Variants in REEP1 observed in about 807,000 individuals in gnomAD.
The protein encoded by REEP1 is receptor accessory protein 1.
In REEP1, 22 loss-of-function variants were observed where a neutral mutation model predicts 40.3. That is an observed-to-expected ratio of 0.55 (90% CI 0.39 to 0.78). The LOEUF (loss-of-function observed/expected upper bound fraction) is 0.78. Ranked by LOEUF, REEP1 falls within the 30% of genes least tolerant of loss-of-function variation. The pLI is 0.00. For synonymous variants in REEP1, 116 were observed against 139.2 expected, an observed-to-expected ratio of 0.83 and a Z score of 1.17; for missense variants, 280 against 361.1, an observed-to-expected ratio of 0.78 and a Z score of 1.82.
intron 1 of REEP1, among the ~76,000 whole-genome samples, chr2:86,283,009 C>A (rs1240333792): frequency 6.6e-6 from 1 of 152,126 alleles, no homozygotes; most frequent in East Asian, 1.9e-4. Flanking sequence ...GTCTTCCTTC[C>A]CCCTTCTTTA....
intron 4 of REEP1, 88 bp from the exon 5 acceptor site, chr2:86,252,158 C>T: frequency 7.1e-6 from 7 of 983,070 alleles, no homozygotes; most frequent in Non-Finnish European, 1.1e-5. Flanking sequence ...TTGGGCTTGG[C>T]AGCTTGCCCA....
intron 2 of REEP1, among the ~76,000 whole-genome samples, chr2:86,275,003 G>C (rs1201206840): frequency 1.3e-5 from 2 of 152,214 alleles, no homozygotes; most frequent in Admixed American, 6.5e-5. Context: ...CAGAGGAGCA[G>C]GCTTAGCTAC....
intron 4 of REEP1, among the ~76,000 whole-genome samples, chr2:86,253,494 C>A (rs976351319): frequency 6.6e-6 from 1 of 152,132 alleles, no homozygotes; most frequent in Admixed American, 6.5e-5. Context: ...ACCTGCCTGT[C>A]CCCCACCACC....
In REEP1 at chr2:86,247,719, T is replaced by G. The variant is rs182194345; in HGVS notation, c.417+4238A>C. On this transcript the variant is annotated intron_variant, in intron 5 of 8. Coordinates refer to ENST00000538924, the MANE Select transcript of REEP1 (RefSeq NM_001371279.1). ...CCGAGTAGCTGGGATTACAGGTGCA[T>G]GCCACCACACCAGGCTAATTTTTGT... 2.3e-3 allele frequency among the ~76,000 whole-genome samples: 353 copies of G among 152,024 alleles called. 3 individuals are homozygous for G. Among genetic ancestry groups the G allele is most frequent in the African/African-American group, 8.2e-3 (340 of 41,498 alleles).
intron 6 of REEP1, among the ~76,000 whole-genome samples, chr2:86,229,057 CCCA>C (rs1674873392): frequency 6.6e-6 from 1 of 152,204 alleles, no homozygotes; most frequent in Non-Finnish European, 1.5e-5. Context: ...AGGTGCAGCT[CCCA>C]CCTCTCTCCA....
At chr2:86,281,482 G>C (rs1192251929) in intron 2 of REEP1, among the ~76,000 whole-genome samples, 1 of 152,136 alleles carries the variant, frequency 6.6e-6, no homozygotes, top group African/African-American at 2.4e-5. Context: ...ACAAAAATTA[G>C]CTGGGCGTGG....
intron 5 of REEP1, among the ~76,000 whole-genome samples, chr2:86,236,273 A>G (rs1675320030): frequency 6.6e-6 from 1 of 151,410 alleles, no homozygotes; most frequent in African/African-American, 2.4e-5. Flanking sequence ...AGCCCTTCTC[A>G]GTCTCTACAC....
intron 5 of REEP1, among the ~76,000 whole-genome samples, chr2:86,246,858 C>T (rs1431367754): frequency 1.3e-5 from 2 of 151,956 alleles, no homozygotes; most frequent in East Asian, 3.9e-4. Flanking sequence ...TGCACCACCA[C>T]GCCCGGCTAA....
chr2:86,311,624 T>C (rs957426798), intron 1 of REEP1, among the ~76,000 whole-genome samples: 11 of 152,122 alleles, frequency 7.2e-5, no homozygotes, highest in Non-Finnish European at 1.6e-4. Flanking sequence ...GTGTCCAGAT[T>C]TTCTTTTTAT....
chr2:86,266,651 A>G (rs148924544), intron 2 of REEP1, among the ~76,000 whole-genome samples: 2 of 148,842 alleles, frequency 1.3e-5, no homozygotes, highest in South Asian at 2.1e-4. Context: ...AAATAAAAAT[A>G]AAAAAAATAA....
chr2:86,227,440 C>T (rs1674768057), intron 6 of REEP1, 42 bp from the exon 7 acceptor site: 2 of 1,231,500 alleles, frequency 1.6e-6, no homozygotes, highest in Non-Finnish European at 1.0e-6. Flanking sequence ...ACATCCCCCA[C>T]TGGACAGGAA....
chr2:86,230,854 T>A (rs946519085), intron 6 of REEP1, among the ~76,000 whole-genome samples: 31 of 152,182 alleles, frequency 2.0e-4, no homozygotes. Flanking sequence ...ACCCCACTGG[T>A]TCTTGCTCTC....
chr2:86,251,883 G>T, intron 5 of REEP1, 74 bp downstream of exon 5: 1 of 998,408 alleles, frequency 1.0e-6, no homozygotes, highest in Non-Finnish European at 1.6e-6. Context: ...TGTTCTGTGT[G>T]GTCGCACAGG....
At position 86,337,609 on chromosome 2, in the gene REEP1, G is replaced by C. The variant is rs1484125168; in HGVS notation, c.-99C>G. ...GTTCCCGGAACGTCAGTCAGCTCAC[G>C]GCAGCCGCCGCCAGACTGAGCGCGC... is the stretch of plus-strand genomic sequence containing the variant. On this transcript the variant is annotated 5_prime_UTR_variant, in exon 1 of 9. Coordinates refer to ENST00000538924, the MANE Select transcript of REEP1 (RefSeq NM_001371279.1). The surrounding 1 kb of genome is among the most constrained non-coding windows in gnomAD (Gnocchi z 5.8). 9.3e-5 allele frequency: 105 copies of C among 1,133,584 alleles called. No individual in the cohort carries two copies. The highest frequency in any genetic ancestry group is 1.0e-4 in the Non-Finnish European group (97 of 925,614). 70.2% of individuals were successfully genotyped at this position (1,133,584 alleles called of 1,614,324 possible). A position where few individuals can be genotyped will look rare whatever the true frequency, so the allele number is the denominator to read the frequency against.
chr2:86,264,116 C>G (rs948927586), intron 2 of REEP1, 75 bp from the exon 3 acceptor site: 3 of 1,157,884 alleles, frequency 2.6e-6, no homozygotes, highest in East Asian at 2.3e-5. Context: ...GAAGAACAGG[C>G]CCCGGCGGCA....
At chr2:86,266,162 T>A (rs992818230) in intron 2 of REEP1, among the ~76,000 whole-genome samples, 22 of 152,168 alleles carry the variant, frequency 1.4e-4, no homozygotes, top group African/African-American at 4.6e-4. Flanking sequence ...TAACTAGATA[T>A]CCACATGTAA....
intron 1 of REEP1, among the ~76,000 whole-genome samples, chr2:86,324,900 AT>A (rs1680432858): frequency 1.3e-5 from 2 of 152,222 alleles, no homozygotes; most frequent in African/African-American, 4.8e-5. Flanking sequence ...AGTTTGCTTG[AT>A]AAGTACATTA....
chr2:86,237,024 G>A (rs149716307), intron 5 of REEP1, among the ~76,000 whole-genome samples: 20 of 152,320 alleles, frequency 1.3e-4, no homozygotes, highest in East Asian at 5.8e-4. Flanking sequence ...GTGAGCCACC[G>A]CGCCCAGCAG....
At chr2:86,245,764 A>ATT (rs869240092) in intron 5 of REEP1, among the ~76,000 whole-genome samples, 22 of 133,898 alleles carry the variant, frequency 1.6e-4, no homozygotes, top group Non-Finnish European at 1.6e-4. Flanking sequence ...CATATACTCA[A>ATT]TTTTTTTTTT....
Sources: gnomAD v4.1 joint callset for allele counts (sites outside exome capture counted in the v4.1 genomes callset) on GRCh38, gnomAD v4.1.1 for gene constraint, Gnocchi (gnomAD v3.1) non-coding constraint, MANE v1.5 for transcripts, NCBI Gene and HGNC (gene_info 2026-07-23, HGNC 2026-07-21) for gene names.